CYP2J2: variants seen among roughly 807,000 people sequenced by gnomAD.
CYP2J2 encodes cytochrome P450 2J2.
CYP2J2 carries 41 observed loss-of-function variants against 48.8 expected under a neutral mutation model. The observed-to-expected ratio is 0.84, with a 90% CI of 0.66 to 1.09. The LOEUF (loss-of-function observed/expected upper bound fraction) is 1.09. Among genes scored for constraint, CYP2J2 ranks in the 50% least tolerant of loss-of-function variants. The pLI, the probability that CYP2J2 is intolerant of heterozygous loss-of-function variation, is 0.00. For synonymous variants in CYP2J2, 221 were observed against 227.1 expected (o/e 0.97, Z 0.24); for missense variants, 644 against 617.3 (o/e 1.04, Z -0.46).
chr1:59,925,617 C>T (rs1347829110), intron 1 of CYP2J2, among the ~76,000 whole-genome samples: 1 of 152,146 alleles, frequency 6.6e-6, no homozygotes, highest in Admixed American at 6.5e-5. Flanking sequence ...CATTCTGTGG[C>T]TAATTCTGTC....
chr1:59,908,130 T>G (rs1289335485), intron 5 of CYP2J2, among the ~76,000 whole-genome samples: 1 of 152,174 alleles, frequency 6.6e-6, no homozygotes, highest in African/African-American at 2.4e-5. Flanking sequence ...CTGGACACCT[T>G]TGGATGGATG....
chr1:59,946,578 C>T, the CYP2J2 span, among the ~76,000 whole-genome samples: 2 of 152,066 alleles, frequency 1.3e-5, no homozygotes, highest in African/African-American at 4.8e-5. Flanking sequence ...CGCCAATGAT[C>T]GGTACACAGT....
chr1:59,896,656 C>A (rs547561653), intron 8 of CYP2J2, among the ~76,000 whole-genome samples: 207 of 152,238 alleles, frequency 1.4e-3, no homozygotes, highest in African/African-American at 4.7e-3. Flanking sequence ...ATGTCCTCCT[C>A]ACCCCACCTG....
At chr1:59,943,752 G>A in the CYP2J2 span, among the ~76,000 whole-genome samples, 2 of 151,968 alleles carry the variant, frequency 1.3e-5, no homozygotes, top group African/African-American at 4.8e-5. Flanking sequence ...GGATGTAAGA[G>A]AAAAGATCTT....
At chr1:59,959,256 C>T in the CYP2J2 span, among the ~76,000 whole-genome samples, 1 of 152,148 alleles carries the variant, frequency 6.6e-6, no homozygotes. Context: ...TTCCTATGCT[C>T]TTTGTATAGT....
At chr1:59,896,157 T>C (rs931294367) in intron 8 of CYP2J2, among the ~76,000 whole-genome samples, 3 of 152,162 alleles carry the variant, frequency 2.0e-5, no homozygotes, top group African/African-American at 7.2e-5. Context: ...GATAATAATA[T>C]GTAGAAATCA....
intron 1 of CYP2J2, among the ~76,000 whole-genome samples, chr1:59,921,483 T>C (rs1181447058): frequency 6.6e-6 from 1 of 151,982 alleles, no homozygotes; most frequent in Non-Finnish European, 1.5e-5. Flanking sequence ...TGATCATAGC[T>C]CTGGGAATGG....
chr1:59,937,498 T>A, the CYP2J2 span, among the ~76,000 whole-genome samples: 1 of 152,180 alleles, frequency 6.6e-6, no homozygotes, highest in Non-Finnish European at 1.5e-5. Flanking sequence ...GCCAAGCTCA[T>A]TGGGAACTAA....
rs1325063835 is a variant in CYP2J2 at position 59,907,836 on chromosome 1, G to T, written c.953C>A (p.Thr318Lys). ...LFFAGTETTS[T>K]TLRWALLYMA... ...ATAAAGCAGAGCCCATCGCAGAGTTGTGGAAGTTGTCTCGGTTCCGGCAAA... is the reference window on the plus strand; with the variant it reads ...ATAAAGCAGAGCCCATCGCAGAGTTTTGGAAGTTGTCTCGGTTCCGGCAAA... Residue 318 changes from threonine to lysine, a missense_variant, in exon 6 of 9, where the codon ACA becomes AAA. By Grantham distance (78) the Thr-to-Lys change is moderately conservative. Transcript: ENST00000371204. The T allele has an allele frequency of 6.2e-7, 1 of 1,614,120 alleles. No homozygotes were observed. Among genetic ancestry groups the T allele is most frequent in the Admixed American group, 1.7e-5 (1 of 60,018 alleles).
At chr1:59,922,151 C>T (rs1375972798) in intron 1 of CYP2J2, among the ~76,000 whole-genome samples, 1 of 152,138 alleles carries the variant, frequency 6.6e-6, no homozygotes, top group Non-Finnish European at 1.5e-5. Context: ...AAGAAAGAGC[C>T]CTGTTGCACT....
At chr1:59,940,707 T>C in the CYP2J2 span, among the ~76,000 whole-genome samples, 1 of 152,234 alleles carries the variant, frequency 6.6e-6, no homozygotes, top group African/African-American at 2.4e-5. Context: ...ATGAAATCAA[T>C]ATATCTATTG....
chr1:59,925,711 G>A (rs1326088821), intron 1 of CYP2J2, among the ~76,000 whole-genome samples: 1 of 152,214 alleles, frequency 6.6e-6, no homozygotes, highest in Non-Finnish European at 1.5e-5. Context: ...ACAGCCATGT[G>A]TTTAAAGTAC....
intron 1 of CYP2J2, among the ~76,000 whole-genome samples, chr1:59,918,709 T>C (rs533714514): frequency 5.7e-5 from 8 of 141,128 alleles, no homozygotes; most frequent in African/African-American, 7.8e-5. Flanking sequence ...CAAAAGGAGA[T>C]AAAAATAAGA....
chr1:59,895,632 TTTTGA>T (rs1031503811), intron 8 of CYP2J2, among the ~76,000 whole-genome samples: 12 of 152,030 alleles, frequency 7.9e-5, no homozygotes, highest in Non-Finnish European at 1.5e-4. Flanking sequence ...ATATATATTT[TTTTGA>T]TTTATTTTTA....
the CYP2J2 span, among the ~76,000 whole-genome samples, chr1:59,969,128 A>C: frequency 2.6e-5 from 4 of 152,190 alleles, no homozygotes; most frequent in African/African-American, 9.7e-5. Context: ...GGCAGTGTGG[A>C]CCCAAAGAGT....
At position 59,909,869 on chromosome 1, in the gene CYP2J2, G is replaced by A. The variant is rs776485705; in HGVS notation, c.776C>T (p.Ser259Phe). 1 of 1,611,764 alleles carries A rather than the reference G, an allele frequency of 6.2e-7. No individual in the cohort carries two copies. Among genetic ancestry groups the A allele is most frequent in the Admixed American group, 1.7e-5 (1 of 59,796 alleles). The change falls in exon 5 of 9, where the codon TCT becomes TTT. Residue 259 changes from serine (S) to phenylalanine (F), a missense_variant. By Grantham distance (155) the Ser-to-Phe change is radical. Coordinates refer to ENST00000371204, the MANE Select transcript of CYP2J2 (RefSeq NM_000775.4). ...SNWKKLKLFV[S>F]HMIDKHRKDW... Reference sequence around the variant, plus strand: ...CTTTCTGTGTTTGTCAATCATATGAGAAACAAACAATTTCAGTTTTTTCCA... The same window carrying A: ...CTTTCTGTGTTTGTCAATCATATGAAAAACAAACAATTTCAGTTTTTTCCA...
the CYP2J2 span, among the ~76,000 whole-genome samples, chr1:59,935,360 G>C: frequency 6.6e-5 from 10 of 152,000 alleles, no homozygotes; most frequent in Non-Finnish European, 1.2e-4. Flanking sequence ...ACAGTGCATT[G>C]TGTACTTGAA....
At chr1:59,964,202 A>G in the CYP2J2 span, among the ~76,000 whole-genome samples, 2 of 152,160 alleles carry the variant, frequency 1.3e-5, no homozygotes, top group African/African-American at 2.4e-5. Flanking sequence ...AGAACCTCCA[A>G]TTTGGATAGA....
At chr1:59,958,790 C>T in the CYP2J2 span, among the ~76,000 whole-genome samples, 3 of 152,174 alleles carry the variant, frequency 2.0e-5, no homozygotes, top group African/African-American at 7.2e-5. Flanking sequence ...TTCATGTTAG[C>T]CACACTTTCC....
Sources: gnomAD v4.1 joint callset for allele counts (sites outside exome capture counted in the v4.1 genomes callset) on GRCh38, gnomAD v4.1.1 for gene constraint, MANE v1.5 for transcripts, NCBI Gene and HGNC (gene_info 2026-07-23, HGNC 2026-07-21) for gene names.